ERGIC2: variants seen among roughly 807,000 people sequenced by gnomAD.
The protein encoded by ERGIC2 is ERGIC and golgi 2.
Under a neutral mutation model 52.5 loss-of-function variants are expected in ERGIC2, and 31 were observed. That is an observed-to-expected ratio of 0.59 (90% CI 0.44 to 0.80). The LOEUF (loss-of-function observed/expected upper bound fraction) is 0.80, where lower values mean the gene tolerates loss of function less well. Ranked by LOEUF, ERGIC2 falls within the 30% of genes least tolerant of loss-of-function variation. The pLI, the probability that ERGIC2 is intolerant of heterozygous loss-of-function variation, is 0.00. For missense variants in ERGIC2, 395 were observed against 455.2 expected (o/e 0.87, Z 1.20); for synonymous variants, 129 against 140.6 (o/e 0.92, Z 0.58).
At chr12:29,373,474 T>C (rs1565545783) in intron 1 of ERGIC2, among the ~76,000 whole-genome samples, 2 of 151,984 alleles carry the variant, frequency 1.3e-5, no homozygotes, top group South Asian at 2.1e-4. Flanking sequence ...TGAAATCTAA[T>C]GGGGAGGATT....
chr12:29,362,507 G>A lies in ERGIC2; in HGVS notation c.334-822C>T, dbSNP rs569131976. Among the ~76,000 whole-genome samples the A allele has an allele frequency of 7.9e-5, 12 of 151,936 alleles. No homozygotes were observed. In the East Asian group the frequency reaches 2.3e-3, roughly 30 times the overall value. Reference sequence around the variant, plus strand: ...AGCTACTCAAGAGGCTGAAGCACGAGAATTGCTTGAACCCGGGAGGTGGAA... The same window carrying A: ...AGCTACTCAAGAGGCTGAAGCACGAAAATTGCTTGAACCCGGGAGGTGGAA... On this transcript the variant is annotated intron_variant, in intron 5 of 13. Coordinates refer to ENST00000360150, the MANE Select transcript of ERGIC2 (RefSeq NM_016570.3).
chr12:29,349,287 T>A, intron 9 of ERGIC2, 110 bp from the exon 10 acceptor site: 1 of 480,200 alleles, frequency 2.1e-6, no homozygotes, highest in Non-Finnish European at 3.7e-6. Context: ...ATGTTTAAAA[T>A]CTTCAAGGAT....
intron 4 of ERGIC2, 137 bp from the exon 5 acceptor site, chr12:29,367,084 A>G (rs12831751): frequency 2.2e-6 from 1 of 444,804 alleles, no homozygotes; most frequent in Non-Finnish European, 3.9e-6. Flanking sequence ...TATGTAGAAT[A>G]ATTTCCGATA....
chr12:29,345,590 G>A (rs754485707), intron 10 of ERGIC2, 50 bp from the exon 11 acceptor site: 3 of 925,974 alleles, frequency 3.2e-6, no homozygotes, highest in Non-Finnish European at 5.3e-6. Context: ...CAAAACTACT[G>A]CCAAATATAT....
At chr12:29,353,997 G>C (rs1327794818) in intron 8 of ERGIC2, among the ~76,000 whole-genome samples, 1 of 152,070 alleles carries the variant, frequency 6.6e-6, no homozygotes, top group Non-Finnish European at 1.5e-5. Context: ...TTGGTGGGGG[G>C]TGAAGAGAGG....
At chr12:29,367,780 A>G (rs1940384290) in intron 4 of ERGIC2, among the ~76,000 whole-genome samples, 1 of 151,894 alleles carries the variant, frequency 6.6e-6, no homozygotes, top group African/African-American at 2.4e-5. Context: ...CTATTAGTAT[A>G]ACCAAGTGAG....
chr12:29,370,331 T>C, intron 2 of ERGIC2, 109 bp from the exon 3 acceptor site: 4 of 1,247,128 alleles, frequency 3.2e-6, no homozygotes, highest in Non-Finnish European at 3.2e-6. Context: ...AGCCTAATAA[T>C]GTAACTTCCA....
At chr12:29,372,560 C>A (rs948173855) in intron 1 of ERGIC2, 3 of 152,050 alleles carry the variant, frequency 2.0e-5, no homozygotes, top group African/African-American at 7.3e-5. Flanking sequence ...GGATATTTCT[C>A]ACAGTGTTAT....
At chr12:29,373,689 C>G (rs1204379101) in intron 1 of ERGIC2, among the ~76,000 whole-genome samples, 1 of 152,152 alleles carries the variant, frequency 6.6e-6, no homozygotes, top group African/African-American at 2.4e-5. Flanking sequence ...TAAAATCAAC[C>G]AACTAAACTT....
Position 29,380,298 on chromosome 12 carries a change from GA to G in ERGIC2, c.-38+816del, listed in dbSNP as rs80176490. ...AATGTATCAGGCTAGGCAATTAACT[GA>G]AATACTGAATTACAACTTCAAATGA... On this transcript the variant is annotated intron_variant, in intron 1 of 13. Coordinates refer to ENST00000360150, the MANE Select transcript of ERGIC2 (RefSeq NM_016570.3). Among the ~76,000 whole-genome samples the G allele has an allele frequency of 3.2e-4, 49 of 152,144 alleles. No individual in the cohort carries two copies. The East Asian group carries it at 8.3e-3, about 26-fold the overall frequency.
At chr12:29,359,313 C>T (rs541259619) in intron 6 of ERGIC2, among the ~76,000 whole-genome samples, 18 of 151,520 alleles carry the variant, frequency 1.2e-4, no homozygotes, top group Admixed American at 6.6e-4. Flanking sequence ...TCTTGTAATT[C>T]GAGAGATCAA....
chr12:29,343,813 C>G (rs1472759404), intron 11 of ERGIC2, among the ~76,000 whole-genome samples: 1 of 152,034 alleles, frequency 6.6e-6, no homozygotes, highest in African/African-American at 2.4e-5. Flanking sequence ...TTGTCACTAC[C>G]TATAAGGGTA....
chr12:29,352,833 C>A (rs1346941458), intron 8 of ERGIC2, among the ~76,000 whole-genome samples: 3 of 132,904 alleles, frequency 2.3e-5, no homozygotes, highest in African/African-American at 7.3e-5. Context: ...TTAACCTGTT[C>A]TTTTAGCACC....
At chr12:29,359,741 T>G (rs1003499242) in intron 6 of ERGIC2, among the ~76,000 whole-genome samples, 2 of 151,790 alleles carry the variant, frequency 1.3e-5, no homozygotes, top group Non-Finnish European at 2.9e-5. Flanking sequence ...GAAAGACTCT[T>G]GGAATATACT....
At position 29,343,195 on chromosome 12, in the gene ERGIC2, T is replaced by G; in HGVS notation, c.913A>C (p.Thr305Pro). The G allele has an allele frequency of 6.2e-7, 1 of 1,611,456 alleles. No individual in the cohort carries two copies. The highest frequency in any genetic ancestry group is 1.1e-5 in the South Asian group (1 of 90,706). Reference sequence around the variant, plus strand: ...TGCCAGAATGGCATGTGCTCCTCAGTAACTGTCACCATAAGAGAACTGAGA... The same window carrying G: ...TGCCAGAATGGCATGTGCTCCTCAGGAACTGTCACCATAAGAGAACTGAGA... The part of the protein sequence containing the change: ...YDLSSLMVTV[T>P]EEHMPFWQFF... Residue 305 changes from threonine to proline, a missense_variant, in exon 12 of 14, where the codon ACT becomes CCT. Transcript: ENST00000360150.
At chr12:29,368,181 C>T (rs1940390522) in intron 4 of ERGIC2, 60 bp downstream of exon 4, 3 of 1,035,724 alleles carry the variant, frequency 2.9e-6, no homozygotes, top group African/African-American at 3.2e-5. Context: ...TTTATTTTTG[C>T]TTGGCAATTG....
intron 2 of ERGIC2, among the ~76,000 whole-genome samples, chr12:29,370,588 A>G (rs1359224617): frequency 6.6e-6 from 1 of 152,020 alleles, no homozygotes; most frequent in Admixed American, 6.6e-5. Context: ...CTTATAGCAC[A>G]AATTTGAAAA....
At chr12:29,352,191 A>G (rs1940142149) in intron 8 of ERGIC2, among the ~76,000 whole-genome samples, 1 of 152,232 alleles carries the variant, frequency 6.6e-6, no homozygotes, top group African/African-American at 2.4e-5. Context: ...AGAGAGTCAT[A>G]TATGGTCTCT....
chr12:29,357,093 A>T (rs989712063), intron 7 of ERGIC2, among the ~76,000 whole-genome samples: 1 of 151,958 alleles, frequency 6.6e-6, no homozygotes, highest in Non-Finnish European at 1.5e-5. Context: ...CAGCCTCCCA[A>T]GTAGCTGGGA....
Sources: allele counts gnomAD v4.1 joint callset (sites outside exome capture counted in the v4.1 genomes callset), GRCh38; gene constraint gnomAD v4.1.1; transcripts MANE v1.5; gene names NCBI Gene and HGNC (gene_info 2026-07-23, HGNC 2026-07-21).